The following SLC38A2 variants were observed in gnomAD, a reference collection of about 807,000 sequenced individuals.
The protein encoded by SLC38A2 is sodium-coupled neutral amino acid symporter 2.
SLC38A2 carries 11 observed loss-of-function variants against 61.5 expected under a neutral mutation model. The observed-to-expected ratio is 0.18, with a 90% CI of 0.11 to 0.30. The LOEUF (loss-of-function observed/expected upper bound fraction) is 0.30, where lower values mean the gene tolerates loss of function less well. Ranked by LOEUF, SLC38A2 falls within the 10% of genes least tolerant of loss-of-function variation. The pLI is 1.00. For synonymous variants in SLC38A2, 217 were observed against 212.5 expected (o/e 1.02, Z -0.18); for missense variants, 522 against 600.4 (o/e 0.87, Z 1.36).
At chr12:46,372,441 G>A (rs1411430786) in intron 1 of SLC38A2, 68 bp downstream of exon 1, 2 of 346,704 alleles carry the variant, frequency 5.8e-6, no homozygotes, top group Non-Finnish European at 1.0e-5. Context: ...GGCCCCTCCC[G>A]GAAGCCCCTC....
intron 1 of SLC38A2, among the ~76,000 whole-genome samples, chr12:46,371,812 G>A (rs965226283): frequency 1.3e-5 from 2 of 152,216 alleles, no homozygotes; most frequent in Non-Finnish European, 2.9e-5. Flanking sequence ...GCAATGCTGC[G>A]TAATCTGTCC....
rs1943118123 is a variant in SLC38A2, at chr12:46,364,504, A to C, written c.758T>G (p.Ile253Ser). The change falls in exon 10 of 16, where the codon ATT becomes AGT. Residue 253 changes from isoleucine (I) to serine (S), a missense_variant. Ile to Ser is a moderately radical substitution (Grantham distance 142). This residue lies in a region of SLC38A2 where 309 missense variants were observed against 343.9 expected (regional missense o/e 0.90). Coordinates refer to ENST00000256689, the MANE Select transcript of SLC38A2 (RefSeq NM_018976.5). ...TAAGGTGGTGTTTATTGTTTCGTTA[A>C]TTATCAAAGCAGCTTCCACAGGACA... ...VPCPVEAALI[I>S]NETINTTLTQ... 6.2e-7 allele frequency: 1 copy of C among 1,612,596 alleles called. No individual in the cohort carries two copies.
chr12:46,361,746 T>C (rs1373675547), intron 15 of SLC38A2: 1 of 156,114 alleles, frequency 6.4e-6, no homozygotes, highest in Non-Finnish European at 1.4e-5. Flanking sequence ...GTCTTTTTCC[T>C]AAATATCACC....
At position 46,360,654 on chromosome 12, in the gene SLC38A2, T is replaced by C. The variant is rs941975829; in HGVS notation, c.*457A>G. 1 of 153,794 alleles carries C rather than the reference T, an allele frequency of 6.5e-6. No homozygotes were observed. The highest frequency in any genetic ancestry group is 2.4e-5 in the African/African-American group (1 of 41,496). 9.5% of individuals were successfully genotyped at this position (153,794 alleles called of 1,614,324 possible). On this transcript the variant is annotated 3_prime_UTR_variant, in exon 16 of 16. Transcript: ENST00000256689. ...AAAGTAAAAGAGTGCTTCTGAGGTC[T>C]TTAAGTATTTTTGGTACAAAAAATA...
intron 7 of SLC38A2, among the ~76,000 whole-genome samples, chr12:46,365,601 T>G (rs1399798948): frequency 6.6e-6 from 1 of 152,132 alleles, no homozygotes; most frequent in Non-Finnish European, 1.5e-5. Context: ...TGCTGGAAAC[T>G]AAAAAATTTT....
rs1266234537 is a variant in SLC38A2, at chr12:46,364,386, T to C, written c.873+3A>G. On this transcript the variant is annotated splice_donor_region_variant and intron_variant, in intron 10 of 15. Coordinates refer to ENST00000256689, the MANE Select transcript of SLC38A2 (RefSeq NM_018976.5). ...TTTTGAGAAAATAAGCATATTTAGT[T>C]ACCTGTGAGTTGAAAATAAAATAGT... 1.9e-6 allele frequency: 3 copies of C among 1,573,306 alleles called. No individual in the cohort carries two copies. The highest frequency in any genetic ancestry group is 2.6e-6 in the Non-Finnish European group (3 of 1,166,546).
intron 8 of SLC38A2, 81 bp downstream of exon 8, chr12:46,365,026 C>T: frequency 7.8e-7 from 1 of 1,285,670 alleles, no homozygotes; most frequent in African/African-American, 1.5e-5. Context: ...CTTTTTCATT[C>T]TGATTAATTT....
At chr12:46,371,087 CA>C in intron 2 of SLC38A2, 90 bp downstream of exon 2, 1 of 1,098,960 alleles carries the variant, frequency 9.1e-7, no homozygotes, top group Non-Finnish European at 1.4e-6. Context: ...AATGCTATAG[CA>C]AATTAAAGCA....
In SLC38A2 at chr12:46,364,376, CA is replaced by C. The variant is rs765183012; in HGVS notation, c.873+12del. The C allele has an allele frequency of 6.4e-7, 1 of 1,563,884 alleles. No homozygotes were observed. The highest frequency in any genetic ancestry group is 1.2e-5 in the South Asian group (1 of 82,466). ...TAAACTCTTCTTTTGAGAAAATAAGCATATTTAGTTACCTGTGAGTTGAAAA... is the reference window on the plus strand; with the variant it reads ...TAAACTCTTCTTTTGAGAAAATAAGCTATTTAGTTACCTGTGAGTTGAAAA... On this transcript the variant is annotated intron_variant, in intron 10 of 15. Coordinates refer to ENST00000256689, the MANE Select transcript of SLC38A2 (RefSeq NM_018976.5).
chr12:46,365,980 A>T (rs1439677926), intron 7 of SLC38A2, among the ~76,000 whole-genome samples: 1 of 152,190 alleles, frequency 6.6e-6, no homozygotes, highest in Non-Finnish European at 1.5e-5. Flanking sequence ...ACACTTAAAG[A>T]TCAGCTTAAA....
intron 2 of SLC38A2, 127 bp downstream of exon 2, chr12:46,371,051 C>T (rs1021826136): frequency 1.2e-5 from 11 of 917,906 alleles, no homozygotes; most frequent in African/African-American, 1.7e-5. Flanking sequence ...ATCGGATACT[C>T]TTTCAGAGAT....
At position 46,361,206 on chromosome 12, in the gene SLC38A2, A is replaced by G. The variant is rs778784641; in HGVS notation, c.1426T>C (p.Leu476=). Residue 476 remains leucine (L), a synonymous_variant, in exon 16 of 16, where the codon TTG becomes CTG. Coordinates refer to ENST00000256689, the MANE Select transcript of SLC38A2 (RefSeq NM_018976.5). ...PMKSVQKIGA[L]FFLLSGVLVM... is the part of the protein sequence containing the mutation. ...AGTACACCACTTAACAGGAAGAACAAAGCCTGCAAAGAGCATAGAGAAAAT... is the reference window on the plus strand; with the variant it reads ...AGTACACCACTTAACAGGAAGAACAGAGCCTGCAAAGAGCATAGAGAAAAT... The G allele has an allele frequency of 1.9e-6, 3 of 1,612,800 alleles. No homozygotes were observed. The South Asian group carries it at 3.3e-5, about 18-fold the overall frequency.
chr12:46,365,902 C>A (rs149959567), intron 7 of SLC38A2, among the ~76,000 whole-genome samples: 4 of 152,252 alleles, frequency 2.6e-5, no homozygotes, highest in Non-Finnish European at 5.9e-5. Flanking sequence ...TTCTAAATCA[C>A]TATTTTCAAA....
At position 46,372,088 on chromosome 12, in the gene SLC38A2, C is replaced by T. The variant is rs1036574073; in HGVS notation, c.-87+421G>A. 2.0e-5 allele frequency among the ~76,000 whole-genome samples: 3 copies of T among 152,246 alleles called. No homozygotes were observed. In the East Asian group the frequency reaches 5.8e-4, roughly 29 times the overall value. On this transcript the variant is annotated intron_variant, in intron 1 of 15. Coordinates refer to ENST00000256689, the MANE Select transcript of SLC38A2 (RefSeq NM_018976.5). ...TCGATCGTCGATTGTCAAATGTTCC[C>T]AACTCGTCTTCCCCAATCTTGGCCT...
intron 4 of SLC38A2, among the ~76,000 whole-genome samples, chr12:46,368,068 G>T (rs1204529269): frequency 6.6e-6 from 1 of 152,042 alleles, no homozygotes; most frequent in Non-Finnish European, 1.5e-5. Context: ...CCAGCAGTTT[G>T]CCACTGCACT....
Position 46,363,064 on chromosome 12 carries a change from A to C in SLC38A2, c.1136T>G (p.Val379Gly), listed in dbSNP as rs1943100458. The C allele has an allele frequency of 6.2e-7, 1 of 1,613,210 alleles. No homozygotes were observed. The highest frequency in any genetic ancestry group is 8.5e-7 in the Non-Finnish European group (1 of 1,179,288). ...DILLLIVRLA[V>G]LMAVTLTVPV... ...TACTGTCAGGGTCACAGCCATTAAC[A>C]CAGCCAGACGGACAATGAGAAGAAG... Residue 379 changes from valine to glycine, a missense_variant, in exon 13 of 16, where the codon GTG (valine) becomes GGG (glycine). Transcript: ENST00000256689.
chr12:46,367,334 G>A lies in SLC38A2; in HGVS notation c.321C>T (p.Leu107=). ...ANTGIALFII[L]LTFVSIFSLY... Reference sequence around the variant, plus strand: ...GGGAAAATATTGACACAAATGTCAAGAGAATTCTGGTGAGAGAAGGAAAAG... The same window carrying A: ...GGGAAAATATTGACACAAATGTCAAAAGAATTCTGGTGAGAGAAGGAAAAG... Residue 107 remains leucine, a synonymous_variant, in exon 5 of 16, where the codon CTC becomes CTT. Transcript: ENST00000256689. 6.4e-7 allele frequency: 1 copy of A among 1,560,230 alleles called. No homozygotes were observed. The highest frequency in any genetic ancestry group is 2.2e-5 in the East Asian group (1 of 44,550).
intron 15 of SLC38A2, chr12:46,362,052 T>C: frequency 2.4e-6 from 1 of 418,184 alleles, no homozygotes; most frequent in East Asian, 4.1e-5. Flanking sequence ...TATTCCTATC[T>C]CCAAAGTATC....
chr12:46,362,721 T>G, intron 13 of SLC38A2, 83 bp from the exon 14 acceptor site: 1 of 1,389,724 alleles, frequency 7.2e-7, no homozygotes, highest in Non-Finnish European at 9.6e-7. Flanking sequence ...ATGAAAAGAA[T>G]GCCCAAGTAA....
Sources: gnomAD v4.1 joint callset for allele counts (sites outside exome capture counted in the v4.1 genomes callset) on GRCh38, gnomAD v4.1.1 for gene constraint, gnomAD v4.1.1 regional missense constraint, MANE v1.5 for transcripts, NCBI Gene and HGNC (gene_info 2026-07-23, HGNC 2026-07-21) for gene names.